Variants in SOX6 observed in about 807,000 individuals in gnomAD.
SOX6 encodes the protein SRY-box transcription factor 6, also known as transcription factor SOX-6.
In SOX6, 11 loss-of-function variants were observed where a neutral mutation model predicts 97.8. The observed-to-expected ratio is 0.11, with a 90% confidence interval of 0.07 to 0.19. The LOEUF (loss-of-function observed/expected upper bound fraction) is 0.19, where lower values mean the gene tolerates loss of function less well. SOX6 is among the 10% of genes least tolerant of loss of function. The probability of loss-of-function intolerance (pLI) is 1.00; values close to 1 mark genes in which losing one functional copy is unlikely to be tolerated. For missense variants in SOX6, 810 were observed against 1,039.5 expected (o/e 0.78, Z 3.04); for synonymous variants, 360 against 371.4 (o/e 0.97, Z 0.35).
intron 2 of SOX6, among the ~76,000 whole-genome samples, chr11:16,319,863 A>G (rs1382608850): frequency 6.6e-6 from 1 of 151,866 alleles, no homozygotes; most frequent in Non-Finnish European, 1.5e-5. Flanking sequence ...TTTATTTTAC[A>G]AAAGGACAAG....
chr11:16,701,177 A>G (rs571189963), intron 3 of SOX6, among the ~76,000 whole-genome samples: 1 of 152,362 alleles, frequency 6.6e-6, no homozygotes, highest in East Asian at 1.9e-4. Flanking sequence ...CAAAGGAATT[A>G]GTGTGAACAA....
chr11:16,010,245 A>G (rs775059547), intron 13 of SOX6, among the ~76,000 whole-genome samples: 3 of 151,816 alleles, frequency 2.0e-5, no homozygotes, highest in Non-Finnish European at 2.9e-5. Flanking sequence ...AATCTATAAA[A>G]TGCTTCTGAA....
chr11:16,226,336 T>C (rs1395131248), intron 4 of SOX6, among the ~76,000 whole-genome samples: 2 of 52,142 alleles, frequency 3.8e-5, no homozygotes, highest in African/African-American at 1.6e-4. Context: ...TTTTTGTTTT[T>C]GTTTTTTTTT....
rs1021282637 is a variant in SOX6, at chr11:16,610,962, C to T, written n.609+1119G>A. ...ACATCCCCTGGGGGTTGGAGCCCCA[C>T]GCGGCGCAAGAACCCCGGGCGCTGA... On this transcript the variant is annotated intron_variant and non_coding_transcript_variant, in intron 4 of 5. Transcript: ENST00000524520. This position sits in a 1 kb window ranked among gnomAD's most constrained non-coding sequence, Gnocchi z 4.4. Among the ~76,000 whole-genome samples the T allele has an allele frequency of 1.9e-4, 29 of 152,288 alleles. No homozygotes were observed. The highest frequency in any genetic ancestry group is 7.0e-4 in the African/African-American group (29 of 41,570).
At chr11:16,166,828 A>G (rs765821586) in intron 6 of SOX6, among the ~76,000 whole-genome samples, 25 of 152,168 alleles carry the variant, frequency 1.6e-4, no homozygotes, top group African/African-American at 5.1e-4. Flanking sequence ...CATTATGACA[A>G]CTGATTTGGA....
intron 13 of SOX6, among the ~76,000 whole-genome samples, chr11:16,006,235 C>G (rs1854551092): frequency 6.6e-6 from 1 of 151,976 alleles, no homozygotes; most frequent in African/African-American, 2.4e-5. Context: ...AACAGATCTC[C>G]AAAAACAACC....
In SOX6 at chr11:16,174,737, T is replaced by C. The variant is rs560963474; in HGVS notation, c.777+9149A>G. Among the ~76,000 whole-genome samples the C allele has an allele frequency of 3.9e-4, 59 of 152,116 alleles. 2 individuals are homozygous for C. Among genetic ancestry groups the C allele is most frequent in the East Asian group, 1.5e-3 (8 of 5,170 alleles). On this transcript the variant is annotated intron_variant, in intron 6 of 15. Transcript: ENST00000683767. ...ATACATAAGATTTATATGAACAACT[T>C]TATTTTCAGCAAGAAGGACTTTTGC...
intron 6 of SOX6, among the ~76,000 whole-genome samples, chr11:16,152,277 C>T (rs1483367896): frequency 6.6e-6 from 1 of 152,096 alleles, no homozygotes; most frequent in Non-Finnish European, 1.5e-5. Flanking sequence ...TTGTTTCTCA[C>T]CACAAATGTT....
intron 4 of SOX6, among the ~76,000 whole-genome samples, chr11:16,494,387 A>C (rs1431890033): frequency 6.6e-6 from 1 of 152,240 alleles, no homozygotes; most frequent in Non-Finnish European, 1.5e-5. Flanking sequence ...AAATAAATAA[A>C]TAAAAATAAA....
At chr11:16,107,570 A>G (rs1849127513) in intron 7 of SOX6, among the ~76,000 whole-genome samples, 1 of 151,568 alleles carries the variant, frequency 6.6e-6, no homozygotes. Context: ...CAATTATATG[A>G]AGTACCTACA....
At position 16,318,528 on chromosome 11, in the gene SOX6, C is replaced by T. The variant is rs773599226; in HGVS notation, c.363G>A (p.Glu121=). The change falls in exon 3 of 16, where the codon GAG becomes GAA. Residue 121 remains glutamate, a synonymous_variant. Coordinates refer to ENST00000683767, the MANE Select transcript of SOX6 (RefSeq NM_001367873.1). ...CATCGGCAAGACTCCCTTTGCGGCGCTCTGGGGTTCCAAAAGTAACACTGG... is the reference window on the plus strand; with the variant it reads ...CATCGGCAAGACTCCCTTTGCGGCGTTCTGGGGTTCCAAAAGTAACACTGG... The part of the protein sequence containing the change: ...IMTSVTFGTP[E]RRKGSLADVV... The T allele has an allele frequency of 5.0e-6, 8 of 1,613,760 alleles. No homozygotes were observed. Among genetic ancestry groups the T allele is most frequent in the Non-Finnish European group, 6.8e-6 (8 of 1,179,816 alleles).
chr11:16,401,052 ATT>A (rs1343305562), intron 1 of SOX6, among the ~76,000 whole-genome samples: 1 of 151,494 alleles, frequency 6.6e-6, no homozygotes, highest in African/African-American at 2.4e-5. Context: ...TGTGTATTGC[ATT>A]TTTCAATTAT....
chr11:16,658,953 T>C (rs1482730770), intron 3 of SOX6, among the ~76,000 whole-genome samples: 1 of 152,232 alleles, frequency 6.6e-6, no homozygotes, highest in Admixed American at 6.5e-5. Flanking sequence ...CACATCTTTA[T>C]CAAACACATA....
At chr11:16,516,404 C>T (rs556741152) in intron 4 of SOX6, among the ~76,000 whole-genome samples, 15 of 152,182 alleles carry the variant, frequency 9.9e-5, no homozygotes, top group African/African-American at 1.7e-4. Context: ...ATTTTGTATC[C>T]TGAGACTTTG....
At chr11:16,434,839 A>T (rs1859343698) in intron 1 of SOX6, among the ~76,000 whole-genome samples, 1 of 152,200 alleles carries the variant, frequency 6.6e-6, no homozygotes, top group Non-Finnish European at 1.5e-5. Flanking sequence ...GCCACAAAAA[A>T]GTGGCAGTCA....
chr11:16,201,664 C>T (rs1590023038), intron 4 of SOX6, among the ~76,000 whole-genome samples: 1 of 117,910 alleles, frequency 8.5e-6, no homozygotes, highest in South Asian at 2.6e-4. Context: ...GACGGAGTCT[C>T]GCTCTGTCGC....
intron 9 of SOX6, among the ~76,000 whole-genome samples, chr11:16,065,176 A>G (rs1848064565): frequency 6.6e-6 from 1 of 152,142 alleles, no homozygotes; most frequent in African/African-American, 2.4e-5. Context: ...AAGTTGCAGG[A>G]TATAAAATCA....
At chr11:16,320,333 C>G (rs953688253) in intron 2 of SOX6, among the ~76,000 whole-genome samples, 6 of 152,140 alleles carry the variant, frequency 3.9e-5, no homozygotes, top group African/African-American at 1.2e-4. Flanking sequence ...AAAAGTTACA[C>G]AGTTAATAAC....
intron 4 of SOX6, among the ~76,000 whole-genome samples, chr11:16,537,764 C>T (rs547021496): frequency 1.3e-4 from 20 of 151,918 alleles, no homozygotes; most frequent in African/African-American, 4.6e-4. Flanking sequence ...AGCAAGAACA[C>T]AAGAATAGAG....
Sources: gnomAD v4.1 joint callset for allele counts (sites outside exome capture counted in the v4.1 genomes callset) on GRCh38, gnomAD v4.1.1 for gene constraint, Gnocchi (gnomAD v3.1) non-coding constraint, MANE v1.5 for transcripts, NCBI Gene and HGNC (gene_info 2026-07-23, HGNC 2026-07-21) for gene names.